AGBL4: variants seen among roughly 807,000 people sequenced by gnomAD.
The protein encoded by AGBL4 is cytosolic carboxypeptidase 6.
A neutral mutation model predicts 66.4 loss-of-function variants in AGBL4; 58 were observed. The ratio of observed to expected loss-of-function variants is 0.87; its 90% CI spans 0.71 to 1.09. The LOEUF is 1.09. Ranked by LOEUF, AGBL4 falls within the 50% of genes least tolerant of loss-of-function variation. The pLI is 0.00. For missense variants in AGBL4, 579 were observed against 631.0 expected (o/e 0.92, Z 0.88); for synonymous variants, 234 against 222.9 (o/e 1.05, Z -0.44).
At chr1:48,808,521 T>G in intron 6 of AGBL4, among the ~76,000 whole-genome samples, 1 of 151,314 alleles carries the variant, frequency 6.6e-6, no homozygotes, top group Non-Finnish European at 1.5e-5. Context: ...ATTTGGAGAG[T>G]CCCAAGGGAA....
At chr1:49,852,459 A>C (rs1646327854) in intron 1 of AGBL4, among the ~76,000 whole-genome samples, 1 of 152,216 alleles carries the variant, frequency 6.6e-6, no homozygotes, top group Non-Finnish European at 1.5e-5. Context: ...GGTCTCTACC[A>C]GGTATTCAGA....
At chr1:49,169,168 G>A (rs1363906595) in intron 4 of AGBL4, among the ~76,000 whole-genome samples, 1 of 152,176 alleles carries the variant, frequency 6.6e-6, no homozygotes, top group East Asian at 1.9e-4. Context: ...GACTAGCAAA[G>A]CCATATAAGA....
chr1:49,653,644 T>C (rs1030561092), intron 3 of AGBL4, among the ~76,000 whole-genome samples: 43 of 150,316 alleles, frequency 2.9e-4, no homozygotes, highest in African/African-American at 8.8e-4. Flanking sequence ...CTGACGGAGC[T>C]GAAAAACACA....
chr1:48,939,367 C>T (rs948425550), intron 5 of AGBL4, among the ~76,000 whole-genome samples: 4 of 152,318 alleles, frequency 2.6e-5, no homozygotes, highest in East Asian at 1.9e-4. Flanking sequence ...ATTTGTACAG[C>T]GATTGACAGG....
At chr1:48,528,504 C>T (rs758126518), downstream of AGBL4, among the ~76,000 whole-genome samples, 11 of 151,972 alleles carry the variant, frequency 7.2e-5, no homozygotes, top group Non-Finnish European at 1.2e-4. Flanking sequence ...CTGACTTGTT[C>T]GGGCTTAGTG....
intron 4 of AGBL4, among the ~76,000 whole-genome samples, chr1:49,215,374 T>C (rs1265224723): frequency 6.6e-6 from 1 of 152,170 alleles, no homozygotes; most frequent in African/African-American, 2.4e-5. Flanking sequence ...ATATTCCTCC[T>C]GCACATATCA....
At chr1:49,936,863 C>T (rs1347358621) in intron 1 of AGBL4, among the ~76,000 whole-genome samples, 1 of 152,130 alleles carries the variant, frequency 6.6e-6, no homozygotes, top group Non-Finnish European at 1.5e-5. Flanking sequence ...AAGGAACAAC[C>T]GGTACCAGCC....
chr1:48,534,163 C>A lies in AGBL4; in HGVS notation c.*10G>T. ...CCTGTCCCCATAAGACCTCCCAGGACTCCGTGTCTTTAAAAAGGGGTTGAA... is the reference window on the plus strand; with the variant it reads ...CCTGTCCCCATAAGACCTCCCAGGAATCCGTGTCTTTAAAAAGGGGTTGAA... On this transcript the variant is annotated 3_prime_UTR_variant, in exon 14 of 14. Coordinates refer to ENST00000371839, the MANE Select transcript of AGBL4 (RefSeq NM_032785.4). 7 of 1,551,456 alleles carry A rather than the reference C, an allele frequency of 4.5e-6. No individual in the cohort carries two copies. Among genetic ancestry groups the A allele is most frequent in the Non-Finnish European group, 6.1e-6 (7 of 1,146,834 alleles).
chr1:49,961,234 C>T (rs1657095456), intron 1 of AGBL4, among the ~76,000 whole-genome samples: 1 of 152,064 alleles, frequency 6.6e-6, no homozygotes, highest in South Asian at 2.1e-4. Context: ...CTTGGCAAGT[C>T]ATGGTGGCTC....
In AGBL4 at chr1:48,980,718, AATATATATATATATATAT is replaced by A. The variant is rs544711494; in HGVS notation, c.594+64848_594+64865del. The stretch of plus-strand genomic sequence containing the variant: ...ATTAGTGTTTAAAAAGTAAAGAAGA[AATATATATATATATATAT>A]ATATATATATATATATATATATATA... On this transcript the variant is annotated intron_variant, in intron 5 of 13. Coordinates refer to ENST00000371839, the MANE Select transcript of AGBL4 (RefSeq NM_032785.4). 4.1e-3 allele frequency among the ~76,000 whole-genome samples: 382 copies of A among 92,198 alleles called. 4 individuals carry two copies. The highest frequency in any genetic ancestry group is 6.4e-3 in the South Asian group (13 of 2,036). 60.5% of individuals were successfully genotyped at this position (92,198 alleles called of 152,430 possible).
At chr1:49,848,946 C>G (rs1436936206) in intron 2 of AGBL4, among the ~76,000 whole-genome samples, 2 of 152,048 alleles carry the variant, frequency 1.3e-5, no homozygotes, top group Non-Finnish European at 2.9e-5. Flanking sequence ...ATCTATGTGA[C>G]TTTGTGTATG....
At chr1:49,235,220 C>A (rs911519559) in intron 4 of AGBL4, among the ~76,000 whole-genome samples, 1 of 152,150 alleles carries the variant, frequency 6.6e-6, no homozygotes, top group Non-Finnish European at 1.5e-5. Flanking sequence ...CAGCACCACG[C>A]CCCACAAATA....
chr1:49,856,774 AC>A (rs745649399), intron 1 of AGBL4, among the ~76,000 whole-genome samples: 15 of 152,088 alleles, frequency 9.9e-5, no homozygotes, highest in Non-Finnish European at 2.1e-4. Flanking sequence ...GTAACATCAT[AC>A]TGAATACGAA....
intron 3 of AGBL4, among the ~76,000 whole-genome samples, chr1:49,417,659 T>C (rs890180945): frequency 9.9e-5 from 15 of 152,156 alleles, no homozygotes; most frequent in African/African-American, 2.9e-4. Context: ...AATGGGGTTT[T>C]TGAAACCTCA....
intron 6 of AGBL4, among the ~76,000 whole-genome samples, chr1:48,814,331 T>A (rs1297694163): frequency 1.3e-5 from 2 of 150,500 alleles, no homozygotes; most frequent in Non-Finnish European, 3.0e-5. Context: ...AAATATTTTT[T>A]AATTGACATA....
intron 5 of AGBL4, among the ~76,000 whole-genome samples, chr1:48,951,643 A>G (rs1426199897): frequency 1.3e-5 from 2 of 152,146 alleles, no homozygotes; most frequent in Admixed American, 1.3e-4. Flanking sequence ...GCAGTCTGTG[A>G]CCCAGAAGAG....
At position 49,285,613 on chromosome 1, in the gene AGBL4, T is replaced by C. The variant is rs533824227; in HGVS notation, c.283-39749A>G. Among the ~76,000 whole-genome samples the C allele has an allele frequency of 7.9e-5, 12 of 152,168 alleles. No homozygotes were observed. In the South Asian group the frequency reaches 1.9e-3, roughly 24 times the overall value. ...TTTTTGAAAGGATCAACAAAATTGA[T>C]AGACCGCTAGCAAGACTAATAAAGC... On this transcript the variant is annotated intron_variant, in intron 3 of 13. Transcript: ENST00000371839.
intron 3 of AGBL4, among the ~76,000 whole-genome samples, chr1:49,299,656 G>A (rs1644707692): frequency 6.6e-6 from 1 of 152,072 alleles, no homozygotes; most frequent in Admixed American, 6.6e-5. Flanking sequence ...CAATAGCTAG[G>A]ACTTCCCATA....
At chr1:49,944,852 G>C (rs138120723) in intron 1 of AGBL4, among the ~76,000 whole-genome samples, 3 of 151,788 alleles carry the variant, frequency 2.0e-5, no homozygotes, top group Admixed American at 2.0e-4. Flanking sequence ...CAGTGAAATA[G>C]ATAGCATAAA....
Sources: allele counts gnomAD v4.1 joint callset (sites outside exome capture counted in the v4.1 genomes callset), GRCh38; gene constraint gnomAD v4.1.1; transcripts MANE v1.5; gene names NCBI Gene and HGNC (gene_info 2026-07-23, HGNC 2026-07-21).